VPS53: variants seen among roughly 807,000 people sequenced by gnomAD.
VPS53 encodes the protein vacuolar protein sorting-associated protein 53 homolog.
In VPS53, 70 loss-of-function variants were observed where a neutral mutation model predicts 107.0. The ratio of observed to expected loss-of-function variants is 0.65; its 90% confidence interval spans 0.54 to 0.80. The LOEUF (loss-of-function observed/expected upper bound fraction) is 0.80, where lower values mean the gene tolerates loss of function less well. VPS53 is among the 30% of genes least tolerant of loss of function. The probability of loss-of-function intolerance (pLI) is 0.00; values close to 1 mark genes in which losing one functional copy is unlikely to be tolerated. For synonymous variants in VPS53, 409 were observed against 393.3 expected, an observed-to-expected ratio of 1.04 and a Z score of -0.47; for missense variants, 917 against 1,049.4, an observed-to-expected ratio of 0.87 and a Z score of 1.74.
rs1908553741 is a variant in VPS53, at chr17:519,454, C to T, written c.2329-156G>A. Among the ~76,000 whole-genome samples, 1 of 152,160 alleles carries T rather than the reference C, an allele frequency of 6.6e-6. No individual in the cohort carries two copies. Among genetic ancestry groups the T allele is most frequent in the Non-Finnish European group, 1.5e-5 (1 of 68,038 alleles). On this transcript the variant is annotated intron_variant, in intron 21 of 21. Coordinates refer to ENST00000437048, the MANE Select transcript of VPS53 (RefSeq NM_001128159.3). This position sits in a 1 kb window ranked among gnomAD's most constrained non-coding sequence, Gnocchi z 5.0. Reference sequence around the variant, plus strand: ...ACCGTTTCCTCAAGGGACTCACCATCCCCTGGGTAGTAGCGTGGGAGGAAA... The same window carrying T: ...ACCGTTTCCTCAAGGGACTCACCATTCCCTGGGTAGTAGCGTGGGAGGAAA...
At chr17:619,582 C>T (rs1969366747) in intron 11 of VPS53, among the ~76,000 whole-genome samples, 1 of 122,640 alleles carries the variant, frequency 8.2e-6, no homozygotes, top group African/African-American at 3.3e-5. Context: ...CACCACACCC[C>T]GCTAATATTT....
chr17:693,082 C>T (rs900989999), intron 4 of VPS53, among the ~76,000 whole-genome samples: 4 of 151,838 alleles, frequency 2.6e-5, no homozygotes, highest in Admixed American at 2.0e-4. Context: ...TGCAGTAAGC[C>T]GAGATCACAC....
chr17:578,972 T>TC, intron 13 of VPS53, among the ~76,000 whole-genome samples: 1 of 149,452 alleles, frequency 6.7e-6, no homozygotes, highest in Middle Eastern at 3.7e-3. Context: ...CCTCAGAACC[T>TC]AATGCGTTCC....
intron 10 of VPS53, among the ~76,000 whole-genome samples, chr17:624,118 A>G (rs2143025414): frequency 1.3e-5 from 2 of 151,948 alleles, no homozygotes; most frequent in Middle Eastern, 6.8e-3. Context: ...TCGGCCTCCC[A>G]AAGTGCTGGG....
intron 4 of VPS53, among the ~76,000 whole-genome samples, chr17:662,830 A>AAGG: frequency 8.7e-6 from 1 of 114,984 alleles, no homozygotes; most frequent in African/African-American, 3.4e-5. Flanking sequence ...AGAGAAAGAG[A>AAGG]AAGAAAGGAA....
chr17:693,687 T>C (rs1239578233), intron 4 of VPS53, among the ~76,000 whole-genome samples: 2 of 152,174 alleles, frequency 1.3e-5, no homozygotes, highest in Non-Finnish European at 2.9e-5. Context: ...TGAAAAATGA[T>C]TGCACTCCAG....
At position 697,262 on chromosome 17, in the gene VPS53, C is replaced by T. The variant is rs2657633; in HGVS notation, c.285+156G>A. Among the ~76,000 whole-genome samples the T allele has an allele frequency of 0.39, 58,612 of 152,046 alleles. 13,496 individuals carry two copies. Among genetic ancestry groups the T allele is most frequent in the Non-Finnish European group, 0.52 (35,086 of 67,952 alleles). On this transcript the variant is annotated intron_variant, in intron 4 of 21. Transcript: ENST00000437048. ...GTCCAAGGGACACTGAGGGACAGCA[C>T]GTGGCTGCTGTGGGCGCCTGCCCTG...
intron 10 of VPS53, 93 bp downstream of exon 10, chr17:627,081 C>G: frequency 6.7e-7 from 1 of 1,482,976 alleles, no homozygotes; most frequent in South Asian, 1.4e-5. Flanking sequence ...GAAGTGGCAT[C>G]AAATCCACAG....
intron 7 of VPS53, among the ~76,000 whole-genome samples, chr17:633,118 AAGG>A (rs1267545453): frequency 6.6e-6 from 1 of 152,214 alleles, no homozygotes; most frequent in Non-Finnish European, 1.5e-5. Flanking sequence ...CAAGGGCAGA[AAGG>A]AGAAGCGGCT....
chr17:513,323 A>T lies in VPS53; in HGVS notation c.*5805T>A, dbSNP rs1002912558. On this transcript the variant is annotated 3_prime_UTR_variant, in exon 22 of 22. Coordinates refer to ENST00000437048, the MANE Select transcript of VPS53 (RefSeq NM_001128159.3). ...AAAATGAAAGCTATTTACACAAAGA[A>T]GCAATCCCTTTATTTTAAGGAAATT... is the stretch of plus-strand genomic sequence containing the variant. The T allele has an allele frequency of 1.7e-4, 26 of 152,234 alleles. No individual in the cohort carries two copies. The highest frequency in any genetic ancestry group is 1.6e-3 in the Admixed American group (24 of 15,280). 9.4% of individuals were successfully genotyped at this position (152,234 alleles called of 1,614,324 possible).
Position 518,948 on chromosome 17 carries a change from G to A in VPS53, c.*180C>T, listed in dbSNP as rs186645639. ...TCTTAGAGCCCAGCCCTTACTCAGCGTCTCCGATTAGGGCAGGAAGTAAGA... is the reference window on the plus strand; with the variant it reads ...TCTTAGAGCCCAGCCCTTACTCAGCATCTCCGATTAGGGCAGGAAGTAAGA... On this transcript the variant is annotated 3_prime_UTR_variant, in exon 22 of 22. Transcript: ENST00000437048. 19 of 628,604 alleles carry A rather than the reference G, an allele frequency of 3.0e-5. No individual in the cohort carries two copies. Among genetic ancestry groups the A allele is most frequent in the Non-Finnish European group, 4.0e-5 (16 of 396,672 alleles). The allele number at this position is 628,604 out of a possible 1,614,324, so 38.9% of individuals were successfully genotyped here.
At chr17:704,517 A>T (rs1597509122) in intron 2 of VPS53, among the ~76,000 whole-genome samples, 1 of 152,216 alleles carries the variant, frequency 6.6e-6, no homozygotes, top group South Asian at 2.1e-4. Context: ...ACAATAGTTA[A>T]ATTTCAAGCT....
At chr17:705,449 A>AGCTGGG (rs1973365368) in intron 2 of VPS53, among the ~76,000 whole-genome samples, 2 of 151,552 alleles carry the variant, frequency 1.3e-5, no homozygotes, top group Non-Finnish European at 2.9e-5. Context: ...ATTAAAAATC[A>AGCTGGG]GCTGGGGCTG....
At chr17:636,920 T>C (rs1380459942) in intron 7 of VPS53, among the ~76,000 whole-genome samples, 1 of 152,242 alleles carries the variant, frequency 6.6e-6, no homozygotes, top group Non-Finnish European at 1.5e-5. Flanking sequence ...ATCAGGATGA[T>C]GCTGGTCTCA....
At chr17:667,087 C>T (rs1971721698) in intron 4 of VPS53, among the ~76,000 whole-genome samples, 1 of 152,164 alleles carries the variant, frequency 6.6e-6, no homozygotes, top group East Asian at 1.9e-4. Flanking sequence ...TGAAGCCAGT[C>T]TGCCACGTCT....
chr17:552,493 G>A (rs1911931618), intron 16 of VPS53: 1 of 152,866 alleles, frequency 6.5e-6, no homozygotes, highest in Non-Finnish European at 1.5e-5. Flanking sequence ...AATACCACAA[G>A]GTCCTAACAG....
At chr17:709,610 C>T (rs1277196881) in intron 2 of VPS53, among the ~76,000 whole-genome samples, 1 of 152,132 alleles carries the variant, frequency 6.6e-6, no homozygotes, top group Non-Finnish European at 1.5e-5. Context: ...TGGACTGGAC[C>T]TTATCATCTC....
chr17:534,410 G>A (rs994932617), intron 18 of VPS53, among the ~76,000 whole-genome samples: 2 of 152,140 alleles, frequency 1.3e-5, no homozygotes, highest in Admixed American at 1.3e-4. Flanking sequence ...GGTTTTGCAG[G>A]GGTGGGGTAG....
Position 628,078 on chromosome 17 carries a change from C to T in VPS53, c.831+10G>A. 1.2e-6 allele frequency: 2 copies of T among 1,607,304 alleles called. No homozygotes were observed. The highest frequency in any genetic ancestry group is 1.7e-6 in the Non-Finnish European group (2 of 1,177,748). ...AATGTTACATCTGATCTTATTTGGTCAATACTCACATCTTGGTTTTCTTGA... is the reference window on the plus strand; with the variant it reads ...AATGTTACATCTGATCTTATTTGGTTAATACTCACATCTTGGTTTTCTTGA... On this transcript the variant is annotated intron_variant, in intron 9 of 21. Coordinates refer to ENST00000437048, the MANE Select transcript of VPS53 (RefSeq NM_001128159.3).
Sources: allele counts gnomAD v4.1 joint callset (sites outside exome capture counted in the v4.1 genomes callset), GRCh38; gene constraint gnomAD v4.1.1; non-coding constraint Gnocchi (gnomAD v3.1); transcripts MANE v1.5; gene names NCBI Gene and HGNC (gene_info 2026-07-23, HGNC 2026-07-21).